SDK1: variants seen among roughly 807,000 people sequenced by gnomAD.
SDK1 encodes protein sidekick-1.
Under a neutral mutation model 245.5 loss-of-function variants are expected in SDK1, and 157 were observed. That is an observed-to-expected ratio of 0.64 (90% CI 0.56 to 0.73). SDK1 has a LOEUF of 0.73. SDK1 is among the 30% of genes least tolerant of loss of function. SDK1 has a pLI of 0.00. For missense variants in SDK1, 3,583 were observed against 3,002.3 expected (o/e 1.19, Z -4.52); for synonymous variants, 1,647 against 1,278.5 (o/e 1.29, Z -6.15).
At chr7:4,015,344 C>T (rs779253170) in intron 16 of SDK1, among the ~76,000 whole-genome samples, 8 of 152,202 alleles carry the variant, frequency 5.3e-5, no homozygotes, top group African/African-American at 1.2e-4. Flanking sequence ...ACGGCATCCT[C>T]ATTCTGTCAT....
chr7:3,909,146 C>T (rs1779064743), intron 5 of SDK1, among the ~76,000 whole-genome samples: 1 of 152,190 alleles, frequency 6.6e-6, no homozygotes, highest in Non-Finnish European at 1.5e-5. Context: ...TGGCATAAGT[C>T]AGAGAAGGGT....
chr7:4,192,556 T>G (rs1262366639), intron 35 of SDK1, among the ~76,000 whole-genome samples: 1 of 152,228 alleles, frequency 6.6e-6, no homozygotes, highest in Non-Finnish European at 1.5e-5. Context: ...ATTACAGGTG[T>G]GAGCCACCGT....
chr7:4,166,848 A>G (rs961910409), intron 32 of SDK1, among the ~76,000 whole-genome samples: 4 of 152,016 alleles, frequency 2.6e-5, no homozygotes, highest in African/African-American at 7.2e-5. Context: ...CTGCTCCCCT[A>G]CCTCAGCAGA....
intron 14 of SDK1, among the ~76,000 whole-genome samples, chr7:4,008,398 T>C (rs776465619): frequency 6.6e-6 from 1 of 152,228 alleles, no homozygotes; most frequent in African/African-American, 2.4e-5. Context: ...GAGGGGTGCC[T>C]CCTTGGCCAG....
intron 5 of SDK1, among the ~76,000 whole-genome samples, chr7:3,919,618 A>C (rs1779518025): frequency 6.6e-6 from 1 of 152,130 alleles, no homozygotes; most frequent in African/African-American, 2.4e-5. Context: ...GCTCCATAGA[A>C]TCTATTTCAA....
At chr7:4,011,833 C>G (rs1414230818) in intron 15 of SDK1, among the ~76,000 whole-genome samples, 1 of 152,192 alleles carries the variant, frequency 6.6e-6, no homozygotes. Flanking sequence ...TTCTAAAGGG[C>G]TGAGGTGCTG....
At chr7:3,740,351 A>G (rs570677027) in intron 4 of SDK1, among the ~76,000 whole-genome samples, 2 of 152,188 alleles carry the variant, frequency 1.3e-5, no homozygotes, top group Non-Finnish European at 2.9e-5. Context: ...CCCTATGGCC[A>G]TGTCATTCTC....
At chr7:3,510,764 G>A (rs1719489712) in intron 1 of SDK1, among the ~76,000 whole-genome samples, 1 of 151,956 alleles carries the variant, frequency 6.6e-6, no homozygotes, top group African/African-American at 2.4e-5. Context: ...AAAGGCTGCA[G>A]ACTCTCAGTC....
intron 16 of SDK1, among the ~76,000 whole-genome samples, chr7:4,012,814 C>T (rs1786096888): frequency 6.6e-6 from 1 of 151,886 alleles, no homozygotes; most frequent in Non-Finnish European, 1.5e-5. Context: ...CCTCAGGTGA[C>T]CTGTCCTCCT....
At chr7:3,640,576 C>G (rs942504595) in intron 3 of SDK1, among the ~76,000 whole-genome samples, 2 of 151,932 alleles carry the variant, frequency 1.3e-5, no homozygotes, top group Non-Finnish European at 2.9e-5. Context: ...AAGACGAATA[C>G]CTAAATTATA....
chr7:3,583,051 C>A (rs552193856), intron 1 of SDK1, among the ~76,000 whole-genome samples: 2 of 152,108 alleles, frequency 1.3e-5, no homozygotes, highest in Admixed American at 1.3e-4. Context: ...ATGCAGAGGG[C>A]AGGGGTAGGG....
At chr7:3,751,212 G>A (rs1423543766) in intron 4 of SDK1, among the ~76,000 whole-genome samples, 1 of 152,190 alleles carries the variant, frequency 6.6e-6, no homozygotes, top group Non-Finnish European at 1.5e-5. Context: ...TGACATTTTA[G>A]CCTGTGTTTT....
intron 13 of SDK1, 114 bp downstream of exon 13, chr7:3,974,659 G>A (rs1055617583): frequency 2.7e-5 from 26 of 950,408 alleles, no homozygotes; most frequent in Non-Finnish European, 4.2e-5. Flanking sequence ...CAAGTCAGCG[G>A]TCAGAGGCCA....
At chr7:3,846,622 C>T (rs41871) in intron 5 of SDK1, among the ~76,000 whole-genome samples, 30,272 of 152,134 alleles carry the variant, frequency 0.2, 3,792 homozygotes, top group Non-Finnish European at 0.27. Flanking sequence ...TTATTTACCT[C>T]CCTCCTGTCC....
chr7:4,265,491 G>T lies in SDK1; in HGVS notation c.*107G>T. 7.3e-7 allele frequency: 1 copy of T among 1,370,350 alleles called. No homozygotes were observed. The highest frequency in any genetic ancestry group is 9.3e-7 in the Non-Finnish European group (1 of 1,070,192). 84.9% of individuals were successfully genotyped at this position (1,370,350 alleles called of 1,614,324 possible). ...CTGAGCTGAAGTTTTTGTTTAAAAA[G>T]AAAAAAATCTGATAAGTGATGATTT... On this transcript the variant is annotated 3_prime_UTR_variant, in exon 45 of 45. Coordinates refer to ENST00000404826, the MANE Select transcript of SDK1 (RefSeq NM_152744.4).
rs1325020378 is a variant in SDK1, at chr7:4,113,449, G to T, written c.3585+10G>T. 6 of 1,613,214 alleles carry T rather than the reference G, an allele frequency of 3.7e-6. No individual in the cohort carries two copies. Among genetic ancestry groups the T allele is most frequent in the South Asian group, 1.1e-5 (1 of 91,030 alleles). ...GCGGCTTCGCTGGGTGGTGAGTGGG[G>T]GTGAGAAGGGAGGCTGGAGGCACAC... On this transcript the variant is annotated intron_variant, in intron 24 of 44. Transcript: ENST00000404826.
chr7:3,724,490 G>A (rs1778950657), intron 4 of SDK1, among the ~76,000 whole-genome samples: 1 of 152,164 alleles, frequency 6.6e-6, no homozygotes, highest in South Asian at 2.1e-4. Flanking sequence ...TTTGTTTGAT[G>A]TAGGCTAAAA....
chr7:4,017,404 G>A, intron 17 of SDK1, 52 bp downstream of exon 17: 11 of 1,520,474 alleles, frequency 7.2e-6, no homozygotes, highest in Non-Finnish European at 9.9e-6. Flanking sequence ...CGGGGAATGG[G>A]ATTTGCAAGG....
At chr7:4,239,036 C>T (rs1304310821) in intron 42 of SDK1, among the ~76,000 whole-genome samples, 1 of 152,224 alleles carries the variant, frequency 6.6e-6, no homozygotes, top group East Asian at 1.9e-4. Flanking sequence ...TGAACCTTGC[C>T]TGTGTCCGTG....
Sources: gnomAD v4.1 joint callset for allele counts (sites outside exome capture counted in the v4.1 genomes callset) on GRCh38, gnomAD v4.1.1 for gene constraint, MANE v1.5 for transcripts, NCBI Gene and HGNC (gene_info 2026-07-23, HGNC 2026-07-21) for gene names.